TCF12: variants seen among roughly 807,000 people sequenced by gnomAD.
TCF12 encodes the protein transcription factor 12.
Under a neutral mutation model 86.0 loss-of-function variants are expected in TCF12, and 45 were observed. That is an observed-to-expected ratio of 0.52 (90% CI 0.41 to 0.67). The LOEUF (loss-of-function observed/expected upper bound fraction) is 0.67, where lower values mean the gene tolerates loss of function less well. TCF12 is among the 30% of genes least tolerant of loss of function. The pLI is 0.00. For synonymous variants in TCF12, 330 were observed against 299.6 expected (o/e 1.10, Z -1.05); for missense variants, 881 against 859.9 (o/e 1.02, Z -0.31).
At chr15:57,137,384 A>G (rs973499131) in intron 5 of TCF12, among the ~76,000 whole-genome samples, 9 of 152,248 alleles carry the variant, frequency 5.9e-5, no homozygotes, top group Admixed American at 2.6e-4. Flanking sequence ...GTATTAATGA[A>G]TAATGAAATT....
intron 8 of TCF12, among the ~76,000 whole-genome samples, chr15:57,223,642 G>GTTTTTTTTTTTT (rs2058706247): frequency 2.9e-5 from 1 of 34,276 alleles, no homozygotes; most frequent in Admixed American, 3.5e-4. Context: ...CTACCAATGA[G>GTTTTTTTTTTTT]GTTTTTTTTT....
intron 4 of TCF12, among the ~76,000 whole-genome samples, chr15:57,073,819 G>T (rs2151012617): frequency 6.6e-6 from 1 of 152,198 alleles, no homozygotes; most frequent in East Asian, 1.9e-4. Context: ...CGCAATCTTG[G>T]CTCACTGCAA....
chr15:56,999,648 G>A (rs531618072), intron 3 of TCF12, among the ~76,000 whole-genome samples: 14 of 152,118 alleles, frequency 9.2e-5, no homozygotes, highest in African/African-American at 3.4e-4. Context: ...GCAACACGAG[G>A]GGATCACTTG....
intron 3 of TCF12, among the ~76,000 whole-genome samples, chr15:56,935,377 C>G (rs1306822121): frequency 6.6e-6 from 1 of 152,176 alleles, no homozygotes; most frequent in Non-Finnish European, 1.5e-5. Flanking sequence ...GGCTCTCTTT[C>G]TGGCTTGCAG....
chr15:57,151,692 G>C (rs2053771203), intron 5 of TCF12, among the ~76,000 whole-genome samples: 1 of 151,998 alleles, frequency 6.6e-6, no homozygotes, highest in Non-Finnish European at 1.5e-5. Context: ...TTGAACCCAG[G>C]AGGTGGAGGT....
intron 5 of TCF12, among the ~76,000 whole-genome samples, chr15:57,115,864 G>T (rs1475358726): frequency 6.6e-6 from 1 of 152,038 alleles, no homozygotes; most frequent in Non-Finnish European, 1.5e-5. Context: ...TAGGCAATAG[G>T]AGAAGATTGT....
chr15:57,257,257 G>C (rs146152069), intron 16 of TCF12, among the ~76,000 whole-genome samples: 1 of 152,114 alleles, frequency 6.6e-6, no homozygotes, highest in Non-Finnish European at 1.5e-5. Flanking sequence ...AGCCTATAAC[G>C]TTTGGCTTAT....
chr15:56,999,471 T>C (rs1441109909), intron 3 of TCF12, among the ~76,000 whole-genome samples: 1 of 152,194 alleles, frequency 6.6e-6, no homozygotes, highest in Non-Finnish European at 1.5e-5. Flanking sequence ...TAAAAAACTC[T>C]ATGCACATAA....
chr15:57,255,387 T>C (rs1179674968), intron 16 of TCF12, among the ~76,000 whole-genome samples: 1 of 152,124 alleles, frequency 6.6e-6, no homozygotes, highest in Admixed American at 6.5e-5. Context: ...AACTTATAAC[T>C]AAGAAAGTAG....
chr15:57,240,059 A>T (rs2059548265), intron 12 of TCF12, among the ~76,000 whole-genome samples: 1 of 152,224 alleles, frequency 6.6e-6, no homozygotes, highest in South Asian at 2.1e-4. Context: ...CATTAAGGGA[A>T]ATGGAAGAGT....
intron 12 of TCF12, among the ~76,000 whole-genome samples, chr15:57,242,156 T>C (rs2059661885): frequency 6.6e-6 from 1 of 152,188 alleles, no homozygotes; most frequent in South Asian, 2.1e-4. Flanking sequence ...TCTCTTTAAA[T>C]TCATTAGAGC....
chr15:57,022,881 A>G (rs769242863), intron 3 of TCF12, among the ~76,000 whole-genome samples: 1 of 152,152 alleles, frequency 6.6e-6, no homozygotes, highest in Non-Finnish European at 1.5e-5. Flanking sequence ...TGTGACTAGT[A>G]GAAGGAAATA....
Position 56,925,469 on chromosome 15 carries a change from G to C in TCF12, c.148+4371G>C, listed in dbSNP as rs188420779. Among the ~76,000 whole-genome samples, 12 of 152,212 alleles carry C rather than the reference G, an allele frequency of 7.9e-5. No individual in the cohort carries two copies. The East Asian group carries it at 2.1e-3, about 27-fold the overall frequency. On this transcript the variant is annotated intron_variant, in intron 3 of 20. Coordinates refer to ENST00000333725, the MANE Select transcript of TCF12 (RefSeq NM_207037.2). ...TTAAACAAGCCTTTTGAAATGAGAA[G>C]ATAAAGATGAAGATATCCAACCTTG... is the stretch of plus-strand genomic sequence containing the variant.
chr15:57,090,065 A>G (rs1483538432), intron 4 of TCF12, among the ~76,000 whole-genome samples: 1 of 151,974 alleles, frequency 6.6e-6, no homozygotes, highest in Non-Finnish European at 1.5e-5. Context: ...AAATTTTAAA[A>G]ATTGATTGGG....
At chr15:57,041,385 T>TA (rs2066888429) in intron 3 of TCF12, among the ~76,000 whole-genome samples, 1 of 152,232 alleles carries the variant, frequency 6.6e-6, no homozygotes, top group Admixed American at 6.5e-5. Context: ...TTCAGGTGGA[T>TA]AAATTAGGTG....
intron 5 of TCF12, among the ~76,000 whole-genome samples, chr15:57,102,136 A>G (rs1354736318): frequency 4.0e-5 from 6 of 149,034 alleles, no homozygotes; most frequent in African/African-American, 1.5e-4. Flanking sequence ...AACTACTTAC[A>G]TGGTTAAATA....
At chr15:57,171,164 T>C (rs1238841499) in intron 6 of TCF12, among the ~76,000 whole-genome samples, 1 of 151,868 alleles carries the variant, frequency 6.6e-6, no homozygotes, top group Non-Finnish European at 1.5e-5. Flanking sequence ...GCTACTAGAA[T>C]GTTTGATACA....
At chr15:57,249,823 A>G (rs1368621510) in intron 13 of TCF12, among the ~76,000 whole-genome samples, 2 of 152,184 alleles carry the variant, frequency 1.3e-5, no homozygotes, top group African/African-American at 4.8e-5. Flanking sequence ...GAATAAAAAT[A>G]TATTTAGTCT....
rs550261228 is a variant in TCF12 at position 57,176,045 on chromosome 15, G to C, written c.390+9579G>C. On this transcript the variant is annotated intron_variant, in intron 6 of 20. Transcript: ENST00000333725. ...TACCTATTGTTTGACTGAAATAAAAGACCTTAAAAGGGGCATGGTGTTGCA... is the reference window on the plus strand; with the variant it reads ...TACCTATTGTTTGACTGAAATAAAACACCTTAAAAGGGGCATGGTGTTGCA... 2.0e-5 allele frequency among the ~76,000 whole-genome samples: 3 copies of C among 152,198 alleles called. No homozygotes were observed. The South Asian group carries it at 6.2e-4, about 32-fold the overall frequency.
Sources: gnomAD v4.1 joint callset for allele counts (sites outside exome capture counted in the v4.1 genomes callset) on GRCh38, gnomAD v4.1.1 for gene constraint, MANE v1.5 for transcripts, NCBI Gene and HGNC (gene_info 2026-07-23, HGNC 2026-07-21) for gene names.